TBCK: variants seen among roughly 807,000 people sequenced by gnomAD.
TBCK encodes TBC domain-containing protein kinase-like protein.
A neutral mutation model predicts 113.4 loss-of-function variants in TBCK; 99 were observed. That is an observed-to-expected ratio of 0.87 (90% confidence interval 0.74 to 1.03). The LOEUF (loss-of-function observed/expected upper bound fraction) is 1.03, where lower values mean the gene tolerates loss of function less well. Among genes scored for constraint, TBCK ranks in the 50% least tolerant of loss-of-function variants. The pLI is 0.00. For missense variants in TBCK, 1,045 were observed against 1,061.3 expected (o/e 0.98, Z 0.21); for synonymous variants, 369 against 370.8 (o/e 1.00, Z 0.05).
At chr4:106,212,305 A>G (rs1184948238) in intron 20 of TBCK, among the ~76,000 whole-genome samples, 1 of 152,182 alleles carries the variant, frequency 6.6e-6, no homozygotes, top group African/African-American at 2.4e-5. Flanking sequence ...GCTACAGCTA[A>G]CGTTTGATTT....
chr4:106,242,933 A>G (rs1236902899), intron 11 of TBCK, among the ~76,000 whole-genome samples: 3 of 138,498 alleles, frequency 2.2e-5, no homozygotes, highest in Middle Eastern at 4.4e-3. Context: ...TCACTGTTCA[A>G]TTCTCACCTA....
intron 3 of TBCK, among the ~76,000 whole-genome samples, chr4:106,276,265 C>A (rs1267418437): frequency 6.6e-6 from 1 of 152,142 alleles, no homozygotes; most frequent in East Asian, 1.9e-4. Context: ...TGAGATGAAT[C>A]ATAGAGCCAA....
At chr4:106,064,060 A>G (rs1415049887) in intron 25 of TBCK, among the ~76,000 whole-genome samples, 1 of 151,904 alleles carries the variant, frequency 6.6e-6, no homozygotes, top group Non-Finnish European at 1.5e-5. Context: ...GGGAGCCGGG[A>G]GAGGGGGGAA....
At chr4:106,256,686 G>T (rs1762028141) in intron 5 of TBCK, among the ~76,000 whole-genome samples, 1 of 152,126 alleles carries the variant, frequency 6.6e-6, no homozygotes, top group African/African-American at 2.4e-5. Context: ...TGGGGCTCCT[G>T]CCTGCTCCTG....
At chr4:106,121,400 CTT>C (rs2149586969) in intron 23 of TBCK, among the ~76,000 whole-genome samples, 1 of 142,374 alleles carries the variant, frequency 7.0e-6, no homozygotes, top group Admixed American at 7.1e-5. Flanking sequence ...TACAAAGAGA[CTT>C]AGACTCCCAC....
At chr4:106,222,212 C>T (rs1757778319) in intron 19 of TBCK, among the ~76,000 whole-genome samples, 1 of 151,848 alleles carries the variant, frequency 6.6e-6, no homozygotes, top group African/African-American at 2.4e-5. Context: ...AACCTTATAA[C>T]TTTTAATTTT....
rs1734148782 is a variant in TBCK, at chr4:106,045,588, T to C, written c.*982A>G. ...CATGCACCCAAGTTCTGGCCAATGATATGTAAGCAGAGGTAGTGTGCGCAA... is the reference window on the plus strand; with the variant it reads ...CATGCACCCAAGTTCTGGCCAATGACATGTAAGCAGAGGTAGTGTGCGCAA... On this transcript the variant is annotated 3_prime_UTR_variant, in exon 26 of 26. Coordinates refer to ENST00000394708, the MANE Select transcript of TBCK (RefSeq NM_001163435.3). 1 of 152,192 alleles carries C rather than the reference T, an allele frequency of 6.6e-6. No individual in the cohort carries two copies. Among genetic ancestry groups the C allele is most frequent in the Admixed American group, 6.5e-5 (1 of 15,276 alleles). 9.4% of individuals were successfully genotyped at this position (152,192 alleles called of 1,614,324 possible).
intron 23 of TBCK, among the ~76,000 whole-genome samples, chr4:106,127,069 G>A (rs569866961): frequency 2.3e-4 from 35 of 152,140 alleles, no homozygotes; most frequent in African/African-American, 7.2e-4. Context: ...TTAGCTGGGT[G>A]TGGTGGCATG....
chr4:106,091,353 C>T (rs928353718), intron 25 of TBCK, among the ~76,000 whole-genome samples: 6 of 152,210 alleles, frequency 3.9e-5, no homozygotes, highest in South Asian at 2.1e-4. Context: ...AAGCCATTCA[C>T]GAAGGATCTG....
chr4:106,051,047 G>A (rs2149445177), intron 25 of TBCK, among the ~76,000 whole-genome samples: 1 of 152,008 alleles, frequency 6.6e-6, no homozygotes, highest in Non-Finnish European at 1.5e-5. Context: ...TGTTTGCCCG[G>A]AGAAAGTTAA....
chr4:106,249,034 A>C lies in TBCK; in HGVS notation c.659-52T>G, dbSNP rs762247638. On this transcript the variant is annotated intron_variant, in intron 7 of 25. Transcript: ENST00000394708. ...AAATGCTATTTTTCTAATCTGTCCA[A>C]CAAACCAGAAAATAAACTGATCAAA... The C allele has an allele frequency of 7.5e-6, 10 of 1,339,692 alleles. No individual in the cohort carries two copies. In the African/African-American group the frequency reaches 1.2e-4, roughly 16 times the overall value. The allele number at this position is 1,339,692 out of a possible 1,614,324, so 83.0% of individuals were successfully genotyped here.
chr4:106,303,946 C>A (rs1271475467), intron 2 of TBCK, among the ~76,000 whole-genome samples: 1 of 152,020 alleles, frequency 6.6e-6, no homozygotes, highest in Non-Finnish European at 1.5e-5. Flanking sequence ...GCTAGCATTG[C>A]CATTTTTTAT....
rs1168980300 is a variant in TBCK, at chr4:106,046,680, ACTGG to A, written c.2572-4_2572-1del. On this transcript the variant is annotated splice_acceptor_variant and splice_polypyrimidine_tract_variant and intron_variant, in intron 25 of 25. Coordinates refer to ENST00000394708, the MANE Select transcript of TBCK (RefSeq NM_001163435.3). LOFTEE classifies it high-confidence loss of function. ...TTCATCTTCACAAGGTGAGCTGCAA[ACTGG>A]AAAAAAAAAGAGGCAAAATTTTTAG... The A allele has an allele frequency of 5.7e-6, 9 of 1,588,452 alleles. No individual in the cohort carries two copies. The Admixed American group carries it at 8.5e-5, about 15-fold the overall frequency.
rs1043760317 is a variant in TBCK at position 106,044,282 on chromosome 4, G to A, written c.*2288C>T. ...TGGTGCATTCTGATTATGAACTCAG[G>A]TAAGTCATCAAAGACTGAAGGAAGA... On this transcript the variant is annotated 3_prime_UTR_variant, in exon 26 of 26. Transcript: ENST00000394708. 6.6e-6 allele frequency: 1 copy of A among 152,128 alleles called. No individual in the cohort carries two copies. Among genetic ancestry groups the A allele is most frequent in the Non-Finnish European group, 1.5e-5 (1 of 68,026 alleles). The allele number at this position is 152,128 out of a possible 1,614,324, so 9.4% of individuals were successfully genotyped here. A position where few individuals can be genotyped will look rare whatever the true frequency, so the allele number is the denominator to read the frequency against.
chr4:106,313,853 A>T (rs1045807477), intron 1 of TBCK, among the ~76,000 whole-genome samples: 2 of 152,252 alleles, frequency 1.3e-5, no homozygotes, highest in African/African-American at 4.8e-5. Flanking sequence ...GGGGACGGTT[A>T]AAAACTATGT....
chr4:106,247,477 AT>A (rs893575264), intron 9 of TBCK, 190 bp from the exon 10 acceptor site: 13 of 506,962 alleles, frequency 2.6e-5, no homozygotes, highest in Admixed American at 4.1e-5. Flanking sequence ...TAAATACTGA[AT>A]TTTTTTTACT....
intron 22 of TBCK, among the ~76,000 whole-genome samples, chr4:106,178,270 GAAT>G (rs1391162365): frequency 4.0e-5 from 6 of 151,820 alleles, no homozygotes; most frequent in Non-Finnish European, 7.4e-5. Flanking sequence ...CTGTGAAAAA[GAAT>G]AATTTGAGTT....
At chr4:106,248,457 T>G in intron 8 of TBCK, 151 bp from the exon 9 acceptor site, 1 of 572,158 alleles carries the variant, frequency 1.7e-6, no homozygotes, top group Non-Finnish European at 3.0e-6. Flanking sequence ...AAGCAAATAC[T>G]TAAAGAGAAA....
intron 3 of TBCK, among the ~76,000 whole-genome samples, chr4:106,281,409 T>G (rs1181612762): frequency 7.2e-5 from 11 of 152,116 alleles, no homozygotes; most frequent in Non-Finnish European, 1.6e-4. Context: ...GCCCTTGATT[T>G]CTTTCTCTTA....
Sources: allele counts gnomAD v4.1 joint callset (sites outside exome capture counted in the v4.1 genomes callset), GRCh38; gene constraint gnomAD v4.1.1; transcripts MANE v1.5; gene names NCBI Gene and HGNC (gene_info 2026-07-23, HGNC 2026-07-21).